Variants in DLGAP2 observed in about 807,000 individuals in gnomAD.
DLGAP2 encodes disks large-associated protein 2.
A neutral mutation model predicts 100.3 loss-of-function variants in DLGAP2; 26 were observed. The ratio of observed to expected loss-of-function variants is 0.26; its 90% CI spans 0.19 to 0.36. The LOEUF (loss-of-function observed/expected upper bound fraction) is 0.36, where lower values mean the gene tolerates loss of function less well. Ranked by LOEUF, DLGAP2 falls within the 10% of genes least tolerant of loss-of-function variation. DLGAP2 has a pLI of 1.00. For synonymous variants in DLGAP2, 886 were observed against 630.1 expected, an observed-to-expected ratio of 1.41 and a Z score of -6.08; for missense variants, 1,858 against 1,453.2, an observed-to-expected ratio of 1.28 and a Z score of -4.53.
intron 2 of DLGAP2, among the ~76,000 whole-genome samples, chr8:918,014 T>C (rs1584888757): frequency 6.6e-6 from 1 of 152,322 alleles, no homozygotes; most frequent in East Asian, 1.9e-4. Flanking sequence ...ATTTGGTAGG[T>C]TGCATGTCTA....
At chr8:1,587,217 C>T (rs1024976399) in intron 6 of DLGAP2, among the ~76,000 whole-genome samples, 3 of 152,220 alleles carry the variant, frequency 2.0e-5, no homozygotes, top group Non-Finnish European at 4.4e-5. Context: ...GCCCGTTCAT[C>T]TATAGGAACT....
At chr8:1,033,535 G>C (rs552398278) in intron 2 of DLGAP2, among the ~76,000 whole-genome samples, 2 of 152,278 alleles carry the variant, frequency 1.3e-5, no homozygotes, top group Admixed American at 1.3e-4. Context: ...GGGCATGGTG[G>C]TGCATGCCTG....
chr8:1,155,468 A>G (rs1796765113), intron 2 of DLGAP2, among the ~76,000 whole-genome samples: 1 of 151,962 alleles, frequency 6.6e-6, no homozygotes, highest in Non-Finnish European at 1.5e-5. Context: ...AACCTTAGAA[A>G]ATTCACTCTC....
intron 3 of DLGAP2, among the ~76,000 whole-genome samples, chr8:1,491,397 T>TTCGGGCCGCTCCCCCGATCC (rs1799383133): frequency 6.7e-6 from 1 of 149,574 alleles, no homozygotes; most frequent in African/African-American, 2.5e-5. Context: ...CCCCCTGACC[T>TTCGGGCCGCTCCCCCGATCC]CGGAGGCTTC....
At chr8:1,656,095 G>T (rs573835443) in intron 8 of DLGAP2, among the ~76,000 whole-genome samples, 1 of 152,278 alleles carries the variant, frequency 6.6e-6, no homozygotes, top group African/African-American at 2.4e-5. Context: ...AGGCCAAGGC[G>T]GGCAGATCAC....
intron 2 of DLGAP2, among the ~76,000 whole-genome samples, chr8:917,291 T>G (rs1055990367): frequency 7.0e-6 from 1 of 143,756 alleles, no homozygotes; most frequent in African/African-American, 2.6e-5. Context: ...CAGGCTGGAG[T>G]GCAGTGGTGC....
chr8:1,444,243 A>C (rs1797919035), intron 3 of DLGAP2, among the ~76,000 whole-genome samples: 1 of 152,148 alleles, frequency 6.6e-6, no homozygotes, highest in Non-Finnish European at 1.5e-5. Context: ...GAGTCACTGC[A>C]CCCGTCTCAA....
chr8:1,108,689 G>T (rs1262762422), intron 2 of DLGAP2, among the ~76,000 whole-genome samples: 4 of 141,900 alleles, frequency 2.8e-5, no homozygotes, highest in Non-Finnish European at 4.5e-5. Flanking sequence ...TCTGTGAGGT[G>T]TGCATGGGTC....
intron 6 of DLGAP2, among the ~76,000 whole-genome samples, chr8:1,608,901 A>C (rs1335553098): frequency 3.3e-5 from 5 of 151,972 alleles, no homozygotes; most frequent in African/African-American, 4.8e-5. Flanking sequence ...GAAAAGACCA[A>C]ATCTACGTCT....
intron 2 of DLGAP2, among the ~76,000 whole-genome samples, chr8:1,245,761 A>G (rs551716576): frequency 6.6e-6 from 1 of 152,326 alleles, no homozygotes; most frequent in South Asian, 2.1e-4. Context: ...TTAGGAATAA[A>G]TCACTTTTAA....
chr8:1,193,393 T>A (rs534501285), intron 2 of DLGAP2, among the ~76,000 whole-genome samples: 2 of 152,304 alleles, frequency 1.3e-5, no homozygotes, highest in South Asian at 4.1e-4. Flanking sequence ...TATCTCATTG[T>A]GGTTTTGATT....
intron 1 of DLGAP2, among the ~76,000 whole-genome samples, chr8:898,255 G>C (rs924355953): frequency 1.3e-5 from 2 of 152,096 alleles, no homozygotes; most frequent in African/African-American, 4.8e-5. Context: ...TTAACCCACT[G>C]TGGCCAGGGC....
intron 3 of DLGAP2, among the ~76,000 whole-genome samples, chr8:1,416,997 C>G (rs1796905218): frequency 6.8e-6 from 1 of 146,546 alleles, no homozygotes; most frequent in South Asian, 2.2e-4. Context: ...GAGTCCAGGG[C>G]TCAGGGGTCC....
intron 2 of DLGAP2, among the ~76,000 whole-genome samples, chr8:1,230,086 A>T (rs753012679): frequency 6.9e-6 from 1 of 145,866 alleles, no homozygotes; most frequent in Non-Finnish European, 1.5e-5. Flanking sequence ...GTCTTCACAG[A>T]TGATATGATT....
At chr8:1,667,091 T>C (rs950189504) in intron 8 of DLGAP2, among the ~76,000 whole-genome samples, 11 of 152,322 alleles carry the variant, frequency 7.2e-5, no homozygotes, top group African/African-American at 2.6e-4. Context: ...GGGTGGTGGT[T>C]GCTTTGCACT....
intron 1 of DLGAP2, among the ~76,000 whole-genome samples, chr8:885,857 T>C (rs1329811269): frequency 2.0e-5 from 3 of 152,326 alleles, no homozygotes; most frequent in Middle Eastern, 3.4e-3. Context: ...TGGCCTGAAG[T>C]TTTCTTTTAT....
chr8:763,333 T>C (rs896413800), intron 1 of DLGAP2, among the ~76,000 whole-genome samples: 2 of 152,228 alleles, frequency 1.3e-5, no homozygotes, highest in Non-Finnish European at 2.9e-5. Context: ...GTTACTGTTG[T>C]CACTCATCTT....
intron 2 of DLGAP2, among the ~76,000 whole-genome samples, chr8:1,155,790 G>A (rs553193569): frequency 2.6e-5 from 4 of 152,212 alleles, no homozygotes; most frequent in Non-Finnish European, 5.9e-5. Flanking sequence ...CGGTTCGGGG[G>A]CAGGTGCTGC....
chr8:1,187,777 G>C (rs1293518274), intron 2 of DLGAP2, among the ~76,000 whole-genome samples: 1 of 138,606 alleles, frequency 7.2e-6, no homozygotes, highest in Non-Finnish European at 1.5e-5. Flanking sequence ...ACACGCCCGG[G>C]ACCTCTGTGA....
Sources: allele counts gnomAD v4.1 joint callset (sites outside exome capture counted in the v4.1 genomes callset), GRCh38; gene constraint gnomAD v4.1.1; transcripts MANE v1.5; gene names NCBI Gene and HGNC (gene_info 2026-07-23, HGNC 2026-07-21).